Variants in FANK1 observed in about 807,000 individuals in gnomAD.
FANK1 encodes the protein fibronectin type III and ankyrin repeat domains 1.
In FANK1, 44 loss-of-function variants were observed where a neutral mutation model predicts 45.3. That is an observed-to-expected ratio of 0.97 (90% confidence interval 0.76 to 1.25). FANK1 has a LOEUF of 1.25. FANK1 is among the 50% of genes most tolerant of loss of function. The probability of loss-of-function intolerance (pLI) is 0.00; values close to 1 mark genes in which losing one functional copy is unlikely to be tolerated. For missense variants in FANK1, 391 were observed against 424.4 expected (o/e 0.92, Z 0.69); for synonymous variants, 149 against 152.5 (o/e 0.98, Z 0.17).
At chr10:125,921,193 C>T (rs1946920566) in intron 1 of FANK1, among the ~76,000 whole-genome samples, 2 of 152,158 alleles carry the variant, frequency 1.3e-5, no homozygotes, top group South Asian at 4.1e-4. Context: ...ATGATCACTC[C>T]AAAAATTACC....
rs1158144674 is a variant in FANK1, at chr10:125,949,549, A to C, written c.14-30612A>C. 5.3e-5 allele frequency among the ~76,000 whole-genome samples: 8 copies of C among 151,340 alleles called. No homozygotes were observed. The East Asian group carries it at 1.6e-3, about 29-fold the overall frequency. ...AGAGAATAAAATACCTAGGAATCCA[A>C]CTTACAAGGGATGTGAAGGACCTCT... On this transcript the variant is annotated intron_variant, in intron 1 of 10. Transcript: ENST00000368693.
At chr10:125,958,084 G>A (rs1467874443) in intron 1 of FANK1, among the ~76,000 whole-genome samples, 2 of 151,972 alleles carry the variant, frequency 1.3e-5, no homozygotes, top group African/African-American at 4.8e-5. Flanking sequence ...CTAGCTATTT[G>A]AAACTATGTA....
chr10:125,933,177 G>A (rs1947863341), intron 1 of FANK1, among the ~76,000 whole-genome samples: 1 of 151,814 alleles, frequency 6.6e-6, no homozygotes, highest in Non-Finnish European at 1.5e-5. Flanking sequence ...TGGTTATGTC[G>A]TTTCCTGATT....
chr10:125,985,845 C>T (rs1365270131), intron 2 of FANK1, among the ~76,000 whole-genome samples: 1 of 152,206 alleles, frequency 6.6e-6, no homozygotes, highest in African/African-American at 2.4e-5. Flanking sequence ...GCCAGGACAG[C>T]AGGAGACTGG....
intron 1 of FANK1, among the ~76,000 whole-genome samples, chr10:125,948,085 T>C (rs1948939996): frequency 6.8e-6 from 1 of 148,040 alleles, no homozygotes; most frequent in African/African-American, 2.5e-5. Flanking sequence ...AGACACAACA[T>C]ACCAGAATCT....
chr10:125,953,835 G>A (rs1212174719), intron 1 of FANK1, among the ~76,000 whole-genome samples: 2 of 152,186 alleles, frequency 1.3e-5, no homozygotes, highest in Admixed American at 6.5e-5. Flanking sequence ...GTCTGTGCCT[G>A]TAACATGGGC....
At chr10:125,951,239 A>G (rs559157806) in intron 1 of FANK1, among the ~76,000 whole-genome samples, 112 of 150,652 alleles carry the variant, frequency 7.4e-4, no homozygotes, top group Admixed American at 2.3e-3. Flanking sequence ...TAAAGTATAA[A>G]AAAAAAAAAA....
intron 1 of FANK1, among the ~76,000 whole-genome samples, chr10:125,970,558 A>G (rs1156888522): frequency 6.6e-6 from 1 of 152,234 alleles, no homozygotes; most frequent in African/African-American, 2.4e-5. Context: ...TCCGTCTGCA[A>G]TCCCGGCGCC....
intron 1 of FANK1, among the ~76,000 whole-genome samples, chr10:125,945,454 A>G (rs1011283250): frequency 6.6e-6 from 1 of 152,228 alleles, no homozygotes; most frequent in Non-Finnish European, 1.5e-5. Context: ...GCAAGGGGTC[A>G]GGGAGTTCCC....
chr10:125,901,842 T>A (rs1211911555), intron 1 of FANK1, among the ~76,000 whole-genome samples: 2 of 152,350 alleles, frequency 1.3e-5, no homozygotes, highest in East Asian at 1.9e-4. Flanking sequence ...AAAATCTAGC[T>A]GGACGTGGTG....
chr10:125,932,152 C>T lies in FANK1; in HGVS notation c.13+35497C>T, dbSNP rs561578832. On this transcript the variant is annotated intron_variant, in intron 1 of 10. Transcript: ENST00000368693. Reference sequence around the variant, plus strand: ...GTAGTGTGATGCCTCCAGATTTGTTCTTTTTGCTTAGTCTTGCTTTGGCTC... The same window carrying T: ...GTAGTGTGATGCCTCCAGATTTGTTTTTTTTGCTTAGTCTTGCTTTGGCTC... 2.5e-3 allele frequency among the ~76,000 whole-genome samples: 373 copies of T among 152,182 alleles called. 2 individuals are homozygous for T. Among genetic ancestry groups the T allele is most frequent in the Non-Finnish European group, 4.2e-3 (286 of 67,984 alleles).
At chr10:125,998,877 C>T (rs896945399) in intron 6 of FANK1, among the ~76,000 whole-genome samples, 1 of 152,154 alleles carries the variant, frequency 6.6e-6, no homozygotes, top group Non-Finnish European at 1.5e-5. Context: ...CTTGACTATT[C>T]GACCAGTGAA....
At chr10:125,980,654 G>A (rs1490608581) in intron 2 of FANK1, 5 of 284,580 alleles carry the variant, frequency 1.8e-5, no homozygotes, top group Non-Finnish European at 2.7e-5. Context: ...AGGCTGTTGT[G>A]TTCACTGACG....
intron 1 of FANK1, among the ~76,000 whole-genome samples, chr10:125,942,481 C>A (rs1304019979): frequency 6.6e-6 from 1 of 152,124 alleles, no homozygotes; most frequent in Non-Finnish European, 1.5e-5. Context: ...TCTGGACAAG[C>A]TGAGAACTCT....
chr10:125,938,757 C>T (rs916101557), intron 1 of FANK1, among the ~76,000 whole-genome samples: 37 of 152,134 alleles, frequency 2.4e-4, no homozygotes, highest in Middle Eastern at 3.4e-3. Context: ...TGCAGTGAGC[C>T]GAGATTGCAC....
intron 1 of FANK1, among the ~76,000 whole-genome samples, chr10:125,971,368 G>A (rs1006423551): frequency 6.6e-6 from 1 of 151,622 alleles, no homozygotes; most frequent in Non-Finnish European, 1.5e-5. Context: ...TTCCTTTCCT[G>A]GACTGGGCTC....
chr10:125,939,860 A>G (rs1242943250), intron 1 of FANK1, among the ~76,000 whole-genome samples: 1 of 152,062 alleles, frequency 6.6e-6, no homozygotes, highest in Admixed American at 6.5e-5. Context: ...TTAAGGTAGC[A>G]GAACCTAGAA....
In FANK1 at chr10:125,965,663, T is replaced by C. The variant is rs148615597; in HGVS notation, c.14-14498T>C. On this transcript the variant is annotated intron_variant, in intron 1 of 10. Transcript: ENST00000368693. The stretch of plus-strand genomic sequence containing the variant: ...GTCTCCTCCTCTCTGTCCTCATCTA[T>C]AAATTGAGAACACCCCATCATCGTG... Among the ~76,000 whole-genome samples, 198 of 152,324 alleles carry C rather than the reference T, an allele frequency of 1.3e-3. 1 individual carries two copies. The highest frequency in any genetic ancestry group is 4.6e-3 in the African/African-American group (190 of 41,584).
intron 1 of FANK1, among the ~76,000 whole-genome samples, chr10:125,979,644 A>ATTT (rs1466069945): frequency 1.3e-5 from 2 of 152,038 alleles, no homozygotes; most frequent in Non-Finnish European, 2.9e-5. Context: ...TACCTTGGCA[A>ATTT]TTTGTTTTTG....
Sources: gnomAD v4.1 joint callset for allele counts (sites outside exome capture counted in the v4.1 genomes callset) on GRCh38, gnomAD v4.1.1 for gene constraint, MANE v1.5 for transcripts, NCBI Gene and HGNC (gene_info 2026-07-23, HGNC 2026-07-21) for gene names.